Variants in ADGRL3 observed in about 807,000 individuals in gnomAD.
ADGRL3 encodes calcium-independent alpha-latrotoxin receptor 3.
ADGRL3 carries 62 observed loss-of-function variants against 153.5 expected under a neutral mutation model. That is an observed-to-expected ratio of 0.40 (90% CI 0.33 to 0.50). The LOEUF (loss-of-function observed/expected upper bound fraction) is 0.50, where lower values mean the gene tolerates loss of function less well. ADGRL3 is among the 20% of genes least tolerant of loss of function. The pLI, the probability that ADGRL3 is intolerant of heterozygous loss-of-function variation, is 0.47. For missense variants in ADGRL3, 1,641 were observed against 1,859.4 expected (o/e 0.88, Z 2.16); for synonymous variants, 710 against 672.5 (o/e 1.06, Z -0.86).
At chr4:62,018,279 T>G (rs2099222525) in intron 21 of ADGRL3, among the ~76,000 whole-genome samples, 1 of 152,118 alleles carries the variant, frequency 6.6e-6, no homozygotes. Context: ...AGCTTTGTGT[T>G]GTGTTCTTAC....
intron 2 of ADGRL3, among the ~76,000 whole-genome samples, chr4:61,471,031 CAA>C (rs1246001870): frequency 6.6e-6 from 1 of 151,796 alleles, no homozygotes; most frequent in East Asian, 1.9e-4. Context: ...TACCATTATT[CAA>C]CTAAAAACAT....
chr4:61,495,063 C>G (rs954127786), intron 2 of ADGRL3, among the ~76,000 whole-genome samples: 1 of 152,024 alleles, frequency 6.6e-6, no homozygotes, highest in African/African-American at 2.4e-5. Context: ...TCACCCTACC[C>G]ATTACACAGA....
chr4:61,936,148 T>C (rs1015278930), intron 15 of ADGRL3, 103 bp downstream of exon 15: 2 of 1,230,800 alleles, frequency 1.6e-6, no homozygotes, highest in Non-Finnish European at 1.2e-6. Flanking sequence ...GCTTTTCCCC[T>C]CTTCCTCTTC....
intron 6 of ADGRL3, among the ~76,000 whole-genome samples, chr4:61,718,317 G>A (rs1306531159): frequency 6.6e-6 from 1 of 152,062 alleles, no homozygotes; most frequent in Non-Finnish European, 1.5e-5. Flanking sequence ...GAGCACCTGA[G>A]ATAGAAAACC....
At chr4:61,525,533 G>C (rs1262892775) in intron 4 of ADGRL3, among the ~76,000 whole-genome samples, 2 of 152,114 alleles carry the variant, frequency 1.3e-5, no homozygotes, top group South Asian at 2.1e-4. Context: ...CTTCTAATTA[G>C]AGTTGCAGTT....
At chr4:61,539,113 A>G (rs1031722709) in intron 4 of ADGRL3, among the ~76,000 whole-genome samples, 11 of 152,130 alleles carry the variant, frequency 7.2e-5, no homozygotes, top group Admixed American at 7.2e-4. Flanking sequence ...CTCTGTGACT[A>G]TTTTGCCCTG....
chr4:61,643,226 G>A (rs1168938509), intron 5 of ADGRL3, among the ~76,000 whole-genome samples: 10 of 151,878 alleles, frequency 6.6e-5, no homozygotes, highest in African/African-American at 1.5e-4. Flanking sequence ...CAATCATGTT[G>A]TCTGCAAACA....
intron 13 of ADGRL3, among the ~76,000 whole-genome samples, chr4:61,927,321 G>A (rs1358907939): frequency 6.6e-6 from 1 of 151,438 alleles, no homozygotes; most frequent in South Asian, 2.1e-4. Flanking sequence ...GAATTAAAAA[G>A]TGATACGATC....
intron 2 of ADGRL3, among the ~76,000 whole-genome samples, chr4:61,492,348 T>C (rs934950723): frequency 1.3e-5 from 2 of 152,156 alleles, no homozygotes; most frequent in African/African-American, 4.8e-5. Flanking sequence ...ATATAGTTTC[T>C]TGTCTATGAT....
intron 1 of ADGRL3, among the ~76,000 whole-genome samples, chr4:61,334,551 T>G (rs943444412): frequency 6.6e-6 from 1 of 152,104 alleles, no homozygotes; most frequent in African/African-American, 2.4e-5. Context: ...CAACTCTCCT[T>G]TTCTGATATG....
intron 1 of ADGRL3, among the ~76,000 whole-genome samples, chr4:61,218,766 G>A (rs2148978514): frequency 6.6e-6 from 1 of 152,318 alleles, no homozygotes; most frequent in East Asian, 1.9e-4. Context: ...AAGGAGCTCA[G>A]TTCTTGTGAG....
At chr4:61,627,147 C>T (rs1421087565) in intron 5 of ADGRL3, among the ~76,000 whole-genome samples, 3 of 152,142 alleles carry the variant, frequency 2.0e-5, no homozygotes, top group East Asian at 1.9e-4. Context: ...AATCATGAAA[C>T]GTTGTATTAC....
chr4:61,650,578 T>C (rs2094209453), intron 5 of ADGRL3, among the ~76,000 whole-genome samples: 1 of 152,128 alleles, frequency 6.6e-6, no homozygotes, highest in Admixed American at 6.6e-5. Context: ...CTTGTGGTGG[T>C]GGTGGTGTTT....
At chr4:61,408,214 A>C (rs1327536018) in intron 2 of ADGRL3, among the ~76,000 whole-genome samples, 1 of 152,064 alleles carries the variant, frequency 6.6e-6, no homozygotes, top group East Asian at 1.9e-4. Context: ...CATAAAATTG[A>C]CTATTTAAAC....
In ADGRL3 at chr4:62,059,211, T is replaced by C. The variant is rs1738730967; in HGVS notation, c.3815-8955T>C. On this transcript the variant is annotated intron_variant, in intron 25 of 26. Coordinates refer to ENST00000683033, the MANE Select transcript of ADGRL3 (RefSeq NM_001387552.1). The stretch of plus-strand genomic sequence containing the variant: ...ATAGTCATGGAAAAGTATTTAATTC[T>C]TACATTAGGTGGTTCAAATGAGGGA... 2.0e-5 allele frequency among the ~76,000 whole-genome samples: 3 copies of C among 152,212 alleles called. No individual in the cohort carries two copies. The South Asian group carries it at 6.2e-4, about 32-fold the overall frequency.
At chr4:62,006,793 C>T (rs974212126) in intron 21 of ADGRL3, among the ~76,000 whole-genome samples, 4 of 151,830 alleles carry the variant, frequency 2.6e-5, no homozygotes, top group African/African-American at 9.7e-5. Flanking sequence ...ATAGAGCAAA[C>T]AATTGAAATG....
chr4:61,579,242 A>G (rs2098912135), intron 4 of ADGRL3, among the ~76,000 whole-genome samples: 1 of 152,092 alleles, frequency 6.6e-6, no homozygotes, highest in Non-Finnish European at 1.5e-5. Flanking sequence ...TTAGAATTAA[A>G]TTGGCATATT....
chr4:61,554,933 G>A (rs1489698381), intron 4 of ADGRL3, among the ~76,000 whole-genome samples: 1 of 152,104 alleles, frequency 6.6e-6, no homozygotes, highest in Non-Finnish European at 1.5e-5. Flanking sequence ...ATTAGACAAA[G>A]GAAAAGGAAG....
chr4:61,444,652 T>G lies in ADGRL3; in HGVS notation c.-173-52469T>G, dbSNP rs1444737043. 2.0e-5 allele frequency among the ~76,000 whole-genome samples: 3 copies of G among 152,200 alleles called. No homozygotes were observed. In the East Asian group the frequency reaches 5.8e-4, roughly 29 times the overall value. On this transcript the variant is annotated intron_variant, in intron 2 of 26. Transcript: ENST00000683033. ...CCCTGACTCCAGGATTTTTTTTTAT[T>G]AGGCTGAAATGTTGGTGGAATTACT... is the stretch of plus-strand genomic sequence containing the variant.
Sources: gnomAD v4.1 joint callset for allele counts (sites outside exome capture counted in the v4.1 genomes callset) on GRCh38, gnomAD v4.1.1 for gene constraint, MANE v1.5 for transcripts, NCBI Gene and HGNC (gene_info 2026-07-23, HGNC 2026-07-21) for gene names.